QTMAN: variants seen among roughly 807,000 people sequenced by gnomAD.
QTMAN encodes the protein queuosine-tRNA mannosyltransferase, also known as tRNA-queuosine alpha-mannosyltransferase.
At chr2:144,326,765 G>A in the QTMAN span, among the ~76,000 whole-genome samples, 1 of 152,152 alleles carries the variant, frequency 6.6e-6, no homozygotes, top group South Asian at 2.1e-4. Flanking sequence ...TATATGTACT[G>A]AGTGCTAAGG....
the QTMAN span, among the ~76,000 whole-genome samples, chr2:144,133,096 C>T: frequency 3.5e-5 from 3 of 85,338 alleles, no homozygotes; most frequent in Admixed American, 1.9e-4. Flanking sequence ...TACAGCATTA[C>T]CCAAAATGGA....
chr2:144,029,318 T>C, the QTMAN span, among the ~76,000 whole-genome samples: 1 of 152,220 alleles, frequency 6.6e-6, no homozygotes, highest in Non-Finnish European at 1.5e-5. Flanking sequence ...AGTCCCAGAA[T>C]TGTTTGATGA....
the QTMAN span, among the ~76,000 whole-genome samples, chr2:144,047,654 G>T: frequency 6.6e-6 from 1 of 152,154 alleles, no homozygotes; most frequent in Non-Finnish European, 1.5e-5. Context: ...AGCAACACGT[G>T]CAAGTGGATA....
the QTMAN span, chr2:144,317,364 G>GGGAAGGAAGGAA: frequency 9.1e-5 from 8 of 88,172 alleles, no homozygotes; most frequent in Non-Finnish European, 1.6e-4. Context: ...GATCTTCAAG[G>GGGAAGGAAGGAA]GGAAGGAAGG....
chr2:144,162,278 C>A, the QTMAN span, among the ~76,000 whole-genome samples: 7 of 151,980 alleles, frequency 4.6e-5, no homozygotes, highest in Non-Finnish European at 1.0e-4. Context: ...GGAAACAGTA[C>A]CACCTACAAC....
chr2:144,291,990 G>A, the QTMAN span, among the ~76,000 whole-genome samples: 1 of 152,124 alleles, frequency 6.6e-6, no homozygotes, highest in South Asian at 2.1e-4. Flanking sequence ...ATGAACATTT[G>A]GTTTGAATTC....
At chr2:144,326,388 C>G in the QTMAN span, among the ~76,000 whole-genome samples, 1 of 151,848 alleles carries the variant, frequency 6.6e-6, no homozygotes, top group Non-Finnish European at 1.5e-5. Context: ...TAGATTGAGA[C>G]CATCCTGGCT....
the QTMAN span, among the ~76,000 whole-genome samples, chr2:144,080,355 G>A: frequency 6.6e-6 from 1 of 152,082 alleles, no homozygotes; most frequent in Non-Finnish European, 1.5e-5. Flanking sequence ...GTTTAAAAGT[G>A]TATTTTAGGA....
chr2:144,102,172 C>T, the QTMAN span, among the ~76,000 whole-genome samples: 20 of 152,216 alleles, frequency 1.3e-4, no homozygotes, highest in East Asian at 3.7e-3. Flanking sequence ...TATGTTTTTT[C>T]CATTACAATA....
the QTMAN span, among the ~76,000 whole-genome samples, chr2:144,188,120 CTG>C: frequency 6.6e-6 from 1 of 152,202 alleles, no homozygotes; most frequent in Non-Finnish European, 1.5e-5. Flanking sequence ...GGCCTCAGAA[CTG>C]TGAGAGAATA....
chr2:144,089,642 T>C, the QTMAN span, among the ~76,000 whole-genome samples: 96 of 152,076 alleles, frequency 6.3e-4, no homozygotes, highest in Admixed American at 5.4e-3. Flanking sequence ...TGCAACAACA[T>C]ACATGGAACT....
the QTMAN span, among the ~76,000 whole-genome samples, chr2:144,089,291 A>G: frequency 6.6e-6 from 1 of 152,012 alleles, no homozygotes; most frequent in Non-Finnish European, 1.5e-5. Flanking sequence ...AAGACAAAAA[A>G]TAAGTGAAGT....
At chr2:144,251,428 G>C in the QTMAN span, among the ~76,000 whole-genome samples, 1 of 152,066 alleles carries the variant, frequency 6.6e-6, no homozygotes, top group African/African-American at 2.4e-5. Flanking sequence ...AATGGAGAAA[G>C]GAGAGTCTCC....
the QTMAN span, among the ~76,000 whole-genome samples, chr2:144,125,304 A>C: frequency 1.3e-5 from 2 of 152,074 alleles, no homozygotes; most frequent in Non-Finnish European, 2.9e-5. Context: ...AGAGGCTAGA[A>C]GCACCCTTAC....
the QTMAN span, among the ~76,000 whole-genome samples, chr2:144,225,438 C>G: frequency 6.6e-6 from 1 of 152,110 alleles, no homozygotes; most frequent in Non-Finnish European, 1.5e-5. Flanking sequence ...ACTCAAAAAC[C>G]TATACTTTTT....
the QTMAN span, among the ~76,000 whole-genome samples, chr2:144,302,987 A>T: frequency 6.6e-6 from 1 of 152,204 alleles, no homozygotes; most frequent in African/African-American, 2.4e-5. Flanking sequence ...CTGTAATGCC[A>T]GCTACTCAGG....
the QTMAN span, among the ~76,000 whole-genome samples, chr2:144,119,407 T>C: frequency 6.6e-6 from 1 of 152,236 alleles, no homozygotes; most frequent in South Asian, 2.1e-4. Context: ...TTCCTGCTCC[T>C]GTTAGATAGG....
chr2:144,155,711 A>C, the QTMAN span, among the ~76,000 whole-genome samples: 1 of 152,320 alleles, frequency 6.6e-6, no homozygotes, highest in Admixed American at 6.5e-5. Context: ...CCAGAGCACT[A>C]TCCACAAGTA....
At chr2:144,072,218 A>G in the QTMAN span, among the ~76,000 whole-genome samples, 1 of 152,310 alleles carries the variant, frequency 6.6e-6, no homozygotes, top group East Asian at 1.9e-4. Context: ...GAGGAAAAAT[A>G]GGAATCCGAT....
Sources: allele counts gnomAD v4.1 joint callset (sites outside exome capture counted in the v4.1 genomes callset), GRCh38; gene constraint gnomAD v4.1.1; transcripts MANE v1.5; gene names NCBI Gene and HGNC (gene_info 2026-07-23, HGNC 2026-07-21).